RBFOX2: variants seen among roughly 807,000 people sequenced by gnomAD.
RBFOX2 encodes the protein RNA binding fox-1 homolog 2.
RBFOX2 carries 10 observed loss-of-function variants against 49.1 expected under a neutral mutation model. That is an observed-to-expected ratio of 0.20 (90% CI 0.13 to 0.35). The LOEUF is 0.35. RBFOX2 is among the 10% of genes least tolerant of loss of function. The pLI is 1.00. For missense variants in RBFOX2, 323 were observed against 486.9 expected (o/e 0.66, Z 3.17); for synonymous variants, 183 against 187.4 (o/e 0.98, Z 0.19).
chr22:35,996,039 G>A (rs2058176845), intron 1 of RBFOX2: 1 of 152,206 alleles, frequency 6.6e-6, no homozygotes, highest in African/African-American at 2.4e-5. Context: ...AACTAGGAGG[G>A]AAGGAGGAAA....
At chr22:35,958,712 TCAAA>T (rs1412999171) in intron 1 of RBFOX2, among the ~76,000 whole-genome samples, 1 of 152,194 alleles carries the variant, frequency 6.6e-6, no homozygotes, top group Non-Finnish European at 1.5e-5. Context: ...CTAAAAGACT[TCAAA>T]CAACTTCAAA....
chr22:35,865,937 G>A (rs2043630443), intron 1 of RBFOX2, among the ~76,000 whole-genome samples: 1 of 152,158 alleles, frequency 6.6e-6, no homozygotes, highest in African/African-American at 2.4e-5. Flanking sequence ...AACACAATAA[G>A]CAACAACATG....
At chr22:35,989,497 AAAG>A (rs2057873078) in intron 1 of RBFOX2, among the ~76,000 whole-genome samples, 1 of 152,190 alleles carries the variant, frequency 6.6e-6, no homozygotes, top group Non-Finnish European at 1.5e-5. Flanking sequence ...TGTTGTGGTT[AAAG>A]AGAAAACCAG....
intron 1 of RBFOX2, among the ~76,000 whole-genome samples, chr22:36,008,354 A>G (rs1569522367): frequency 6.6e-6 from 1 of 152,122 alleles, no homozygotes; most frequent in Non-Finnish European, 1.5e-5. Flanking sequence ...CAAGCAAAAG[A>G]AGGGGGAGGG....
intron 1 of RBFOX2, among the ~76,000 whole-genome samples, chr22:35,810,874 T>C (rs549459186): frequency 6.6e-6 from 1 of 152,286 alleles, no homozygotes; most frequent in Admixed American, 6.5e-5. Context: ...AATAAACATA[T>C]ATTACTTTTG....
At chr22:35,948,820 T>C (rs1569507433) in intron 1 of RBFOX2, among the ~76,000 whole-genome samples, 1 of 152,222 alleles carries the variant, frequency 6.6e-6, no homozygotes, top group Admixed American at 6.5e-5. Flanking sequence ...TGTGGTTAAA[T>C]ATACATAAAG....
At chr22:35,855,533 G>C (rs763219282) in intron 1 of RBFOX2, among the ~76,000 whole-genome samples, 1 of 152,110 alleles carries the variant, frequency 6.6e-6, no homozygotes, top group Admixed American at 6.5e-5. Flanking sequence ...AACCTCCCAA[G>C]TAGATGGAAC....
intron 1 of RBFOX2, chr22:35,997,593 TC>T (rs1421285993): frequency 6.6e-6 from 1 of 152,228 alleles, no homozygotes; most frequent in Non-Finnish European, 1.5e-5. Context: ...CCACAGGAGA[TC>T]CTGTAAATAG....
intron 1 of RBFOX2, among the ~76,000 whole-genome samples, chr22:35,904,553 C>A (rs2048923048): frequency 6.6e-6 from 1 of 152,128 alleles, no homozygotes; most frequent in South Asian, 2.1e-4. Flanking sequence ...AGATACAAAC[C>A]ACAAATAAAT....
intron 1 of RBFOX2, among the ~76,000 whole-genome samples, chr22:35,864,356 T>G (rs2043434520): frequency 6.6e-6 from 1 of 152,056 alleles, no homozygotes; most frequent in African/African-American, 2.4e-5. Flanking sequence ...ATATAGCAAT[T>G]TAAGGAATTT....
chr22:35,761,176 A>G, intron 8 of RBFOX2, 26 bp downstream of exon 9: 1 of 1,599,356 alleles, frequency 6.3e-7, no homozygotes, highest in Non-Finnish European at 8.6e-7. Flanking sequence ...GTCAAAATCC[A>G]TGCCAGGCCA....
chr22:35,918,204 G>A (rs894514418), intron 1 of RBFOX2, among the ~76,000 whole-genome samples: 5 of 152,194 alleles, frequency 3.3e-5, no homozygotes, highest in African/African-American at 1.2e-4. Flanking sequence ...TAAACTGAAA[G>A]TTCTGGCAAA....
At chr22:35,826,046 CAAAA>C (rs71736820) in intron 1 of RBFOX2, among the ~76,000 whole-genome samples, 1 of 100,844 alleles carries the variant, frequency 9.9e-6, no homozygotes, top group African/African-American at 3.4e-5. Flanking sequence ...TTGCTTTTGG[CAAAA>C]AAAAAAAAAA....
chr22:35,822,916 C>T (rs958553188), intron 1 of RBFOX2: 9 of 365,334 alleles, frequency 2.5e-5, no homozygotes, highest in South Asian at 1.3e-4. Context: ...CTTCCACCTC[C>T]GGGTTCAAGT....
chr22:35,838,093 G>A (rs1432839692), intron 1 of RBFOX2, among the ~76,000 whole-genome samples: 3 of 152,092 alleles, frequency 2.0e-5, no homozygotes, highest in Non-Finnish European at 4.4e-5. Context: ...AAAGCCTTCA[G>A]TAATTGCTAA....
chr22:35,890,140 AT>A (rs1303272023), intron 1 of RBFOX2, among the ~76,000 whole-genome samples: 1 of 152,220 alleles, frequency 6.6e-6, no homozygotes, highest in African/African-American at 2.4e-5. Context: ...TCCTAAGAAT[AT>A]ATCTTTTTCG....
chr22:35,891,226 C>T (rs1033102346), intron 1 of RBFOX2, among the ~76,000 whole-genome samples: 3 of 151,912 alleles, frequency 2.0e-5, no homozygotes, highest in Non-Finnish European at 4.4e-5. Context: ...CTCCACCTCC[C>T]GGGTTCAAGC....
chr22:36,028,045 C>G (rs942106543), intron 1 of RBFOX2, among the ~76,000 whole-genome samples, 195 bp downstream of exon 1: 1 of 152,140 alleles, frequency 6.6e-6, no homozygotes, highest in African/African-American at 2.4e-5. Context: ...CCCTCTCGGG[C>G]ACACCAGGTT....
At chr22:35,813,138 C>T (rs1242482294) in intron 1 of RBFOX2, among the ~76,000 whole-genome samples, 1 of 152,084 alleles carries the variant, frequency 6.6e-6, no homozygotes. Flanking sequence ...AAAAATGTAA[C>T]AACAATTGTT....
Sources: gnomAD v4.1 joint callset for allele counts (sites outside exome capture counted in the v4.1 genomes callset) on GRCh38, gnomAD v4.1.1 for gene constraint, MANE v1.5 for transcripts, NCBI Gene and HGNC (gene_info 2026-07-23, HGNC 2026-07-21) for gene names.